The following DDX51 variants were observed in gnomAD, a reference collection of about 807,000 sequenced individuals.
DDX51 encodes ATP-dependent RNA helicase DDX51.
DDX51 carries 67 observed loss-of-function variants against 74.6 expected under a neutral mutation model. The ratio of observed to expected loss-of-function variants is 0.90; its 90% CI spans 0.74 to 1.10. The LOEUF (loss-of-function observed/expected upper bound fraction) is 1.10. DDX51 is among the 50% of genes least tolerant of loss of function. The probability of loss-of-function intolerance (pLI) is 0.00; values close to 1 mark genes in which losing one functional copy is unlikely to be tolerated. For synonymous variants in DDX51, 545 were observed against 402.9 expected (o/e 1.35, Z -4.22); for missense variants, 1,056 against 905.2 (o/e 1.17, Z -2.14).
At position 132,139,090 on chromosome 12, in the gene DDX51, C is replaced by T. The variant is rs973871362; in HGVS notation, c.*182G>A. Reference sequence around the variant, plus strand: ...AGTGACAAGCCCTGAAGTCTCCAGTCGGGGCAGGTGCTTGAGCTCTGACGC... The same window carrying T: ...AGTGACAAGCCCTGAAGTCTCCAGTTGGGGCAGGTGCTTGAGCTCTGACGC... On this transcript the variant is annotated 3_prime_UTR_variant, in exon 15 of 15. Coordinates refer to ENST00000397333, the MANE Select transcript of DDX51 (RefSeq NM_175066.4). 24 of 806,622 alleles carry T rather than the reference C, an allele frequency of 3.0e-5. No homozygotes were observed. Among genetic ancestry groups the T allele is most frequent in the East Asian group, 1.4e-4 (5 of 37,036 alleles). The allele number at this position is 806,622 out of a possible 1,614,324, so 50.0% of individuals were successfully genotyped here.
At position 132,143,722 on chromosome 12, in the gene DDX51, C is replaced by A. The variant is rs1204534595; in HGVS notation, c.492G>T (p.Gly164=). 1 of 1,539,080 alleles carries A rather than the reference C, an allele frequency of 6.5e-7. No individual in the cohort carries two copies. ...TCGGCGCCTTCCTCTTCCCGAACCCCCCCAGCACCAGGCCGGGGACCAGGG... is the reference window on the plus strand; with the variant it reads ...TCGGCGCCTTCCTCTTCCCGAACCCACCCAGCACCAGGCCGGGGACCAGGG... ...AGPLVPGLVL[G]GFGKRKAPKV... The change falls in exon 2 of 15, where the codon GGG becomes GGT. Residue 164 remains glycine, a synonymous_variant. Transcript: ENST00000397333.
chr12:132,141,781 C>G lies in DDX51; in HGVS notation c.995+69G>C, dbSNP rs1002700673. 4 of 1,555,472 alleles carry G rather than the reference C, an allele frequency of 2.6e-6. No homozygotes were observed. The African/African-American group carries it at 4.1e-5, about 16-fold the overall frequency. ...GATGGTGGCCCCTCCTCTGCTCCCACGGTGCCTCAGGCCACCTGCAGGGCT... is the reference window on the plus strand; with the variant it reads ...GATGGTGGCCCCTCCTCTGCTCCCAGGGTGCCTCAGGCCACCTGCAGGGCT... On this transcript the variant is annotated intron_variant, in intron 6 of 14. Coordinates refer to ENST00000397333, the MANE Select transcript of DDX51 (RefSeq NM_175066.4).
intron 2 of DDX51, chr12:132,143,134 G>A (rs979505684): frequency 2.0e-5 from 10 of 510,814 alleles, no homozygotes; most frequent in Non-Finnish European, 3.2e-5. Flanking sequence ...AGGAGGTCCT[G>A]TGACCTGGCG....
chr12:132,141,395 A>G lies in DDX51; in HGVS notation c.1130T>C (p.Ile377Thr), dbSNP rs1477165057. The change falls in exon 8 of 15, where the codon ATT becomes ACT. Residue 377 changes from isoleucine to threonine, a missense_variant. Physicochemically the swap from Ile to Thr is moderately conservative, Grantham distance 89. Coordinates refer to ENST00000397333, the MANE Select transcript of DDX51 (RefSeq NM_175066.4). ...CAGCCAGGACTGATGCATGCTGTCAATCATCCGGTCAGCCTCGTCGATAAT... is the reference window on the plus strand; with the variant it reads ...CAGCCAGGACTGATGCATGCTGTCAGTCATCCGGTCAGCCTCGTCGATAAT... ...FLIIDEADRM[I>T]DSMHQSWLPR... 3 of 1,597,164 alleles carry G rather than the reference A, an allele frequency of 1.9e-6. No homozygotes were observed. The highest frequency in any genetic ancestry group is 2.2e-5 in the East Asian group (1 of 44,832).
chr12:132,143,768 G>C lies in DDX51; in HGVS notation c.446C>G (p.Ala149Gly), dbSNP rs867335797. 7.2e-6 allele frequency: 11 copies of C among 1,524,480 alleles called. No homozygotes were observed. The African/African-American group carries it at 1.3e-4, about 18-fold the overall frequency. 94.4% of individuals were successfully genotyped at this position (1,524,480 alleles called of 1,614,324 possible). A position where few individuals can be genotyped will look rare whatever the true frequency, so the allele number is the denominator to read the frequency against. The part of the protein sequence containing the change: ...ASAEAAPDGP[A>G]LEEAAGPLVP... Reference sequence around the variant, plus strand: ...CAGGGGTCCGGCCGCCTCCTCCAGGGCCGGTCCATCTGGGGCCGCCTCGGC... The same window carrying C: ...CAGGGGTCCGGCCGCCTCCTCCAGGCCCGGTCCATCTGGGGCCGCCTCGGC... Residue 149 changes from alanine to glycine, a missense_variant, in exon 2 of 15, where the codon GCC becomes GGC. By Grantham distance (60) the Ala-to-Gly change is moderately conservative (BLOSUM62 0). Transcript: ENST00000397333.
Position 132,141,013 on chromosome 12 carries a change from A to G in DDX51, c.1258T>C (p.Cys420Arg). The change falls in exon 9 of 15, where the codon TGT (cysteine) becomes CGT (arginine). Residue 420 changes from cysteine to arginine, a missense_variant. Physicochemically the swap from Cys to Arg is radical, Grantham distance 180. Transcript: ENST00000397333. ...AGCTTCTGCAGGGGCATCTGGGGACAGCAGGTGCTGGAAGAGAAGGGGGTG... is the reference window on the plus strand; with the variant it reads ...AGCTTCTGCAGGGGCATCTGGGGACGGCAGGTGCTGGAAGAGAAGGGGGTG... ...AQAVTAASTC[C>R]PQMPLQKLLF... 2 of 1,592,940 alleles carry G rather than the reference A, an allele frequency of 1.3e-6. No homozygotes were observed. The highest frequency in any genetic ancestry group is 2.2e-5 in the East Asian group (1 of 44,740).
Position 132,140,917 on chromosome 12 carries a change from A to T in DDX51, c.1354T>A (p.Phe452Ile), listed in dbSNP as rs771647642. Residue 452 changes from phenylalanine to isoleucine, a missense_variant, in exon 9 of 15, where the codon TTC becomes ATC. Physicochemically the swap from Phe to Ile is conservative, Grantham distance 21. Transcript: ENST00000397333. ...CCCCTGTGTGCTAGCCCTGTGGAGA[A>T]AAGCCGGGGCTGGTGGAGGCCCAGC... ...QQLGLHQPRL[F>I]STGLAHRGLE... 4 of 1,613,374 alleles carry T rather than the reference A, an allele frequency of 2.5e-6. No individual in the cohort carries two copies. The highest frequency in any genetic ancestry group is 3.4e-6 in the Non-Finnish European group (4 of 1,179,944).
chr12:132,143,260 C>G, intron 2 of DDX51: 2 of 404,668 alleles, frequency 4.9e-6, no homozygotes, highest in East Asian at 6.0e-5. Flanking sequence ...AGAACCTCCT[C>G]CACCTGCCCT....
At position 132,142,892 on chromosome 12, in the gene DDX51, G is replaced by T. The variant is rs367829380; in HGVS notation, c.520-14C>A. On this transcript the variant is annotated splice_polypyrimidine_tract_variant and intron_variant, in intron 2 of 14. Coordinates refer to ENST00000397333, the MANE Select transcript of DDX51 (RefSeq NM_175066.4). ...GAAAGGCTGGACCTGCCATCAAAAAGAAAGAGAGGCCAGGTGAGCGCTTTC... is the reference window on the plus strand; with the variant it reads ...GAAAGGCTGGACCTGCCATCAAAAATAAAGAGAGGCCAGGTGAGCGCTTTC... 6.2e-7 allele frequency: 1 copy of T among 1,612,220 alleles called. No individual in the cohort carries two copies. Among genetic ancestry groups the T allele is most frequent in the Non-Finnish European group, 8.5e-7 (1 of 1,179,966 alleles).
At position 132,139,788 on chromosome 12, in the gene DDX51, T is replaced by A; in HGVS notation, c.1840-19A>T. 6.2e-7 allele frequency: 1 copy of A among 1,613,016 alleles called. No individual in the cohort carries two copies. The highest frequency in any genetic ancestry group is 8.5e-7 in the Non-Finnish European group (1 of 1,179,882). The stretch of plus-strand genomic sequence containing the variant: ...TCCTCTCCTGGAGAGAAGCTCATGG[T>A]GGAAGGGGGTTCTTGGGCCAGCCCC... On this transcript the variant is annotated intron_variant, in intron 13 of 14. Transcript: ENST00000397333.
rs202081584 is a variant in DDX51, at chr12:132,142,436, G to C, written c.671-14C>G. ...CAGCTGCCTGGACTGGATGAGGAAA[G>C]GCGAGAGAGAAGTCGTGTTTACGCC... is the stretch of plus-strand genomic sequence containing the variant. On this transcript the variant is annotated splice_polypyrimidine_tract_variant and intron_variant, in intron 3 of 14. Transcript: ENST00000397333. The C allele has an allele frequency of 6.2e-7, 1 of 1,609,956 alleles. No individual in the cohort carries two copies. Among genetic ancestry groups the C allele is most frequent in the African/African-American group, 1.3e-5 (1 of 74,934 alleles).
Position 132,141,356 on chromosome 12 carries a change from G to T in DDX51, c.1169C>A (p.Ala390Glu). Residue 390 changes from alanine to glutamate, a missense_variant, in exon 8 of 15, where the codon GCG becomes GAG. Physicochemically the swap from Ala to Glu is moderately radical, Grantham distance 107. Coordinates refer to ENST00000397333, the MANE Select transcript of DDX51 (RefSeq NM_175066.4). ...GGGGTCCTCGCTCTGGAAGGCGGCC[G>T]CCACCACCCGCGGCAGCCAGGACTG... ...MHQSWLPRVV[A>E]AAFQSEDPAD... The T allele has an allele frequency of 6.3e-7, 1 of 1,598,484 alleles. No homozygotes were observed. Among genetic ancestry groups the T allele is most frequent in the Non-Finnish European group, 8.5e-7 (1 of 1,179,636 alleles).
In DDX51 at chr12:132,139,231, G is replaced by A. The variant is rs1181291416; in HGVS notation, c.*41C>T. The A allele has an allele frequency of 6.2e-7, 1 of 1,601,106 alleles. No individual in the cohort carries two copies. The highest frequency in any genetic ancestry group is 8.5e-7 in the Non-Finnish European group (1 of 1,176,138). ...AGCACTGCTCTGGAAGGAGGGTCAG[G>A]GTGGTGAGCGTTCAGTCCCTCCGGC... On this transcript the variant is annotated 3_prime_UTR_variant, in exon 15 of 15. Coordinates refer to ENST00000397333, the MANE Select transcript of DDX51 (RefSeq NM_175066.4).
Position 132,139,254 on chromosome 12 carries a change from G to C in DDX51, c.*18C>G. The C allele has an allele frequency of 1.2e-6, 2 of 1,606,942 alleles. No individual in the cohort carries two copies. The highest frequency in any genetic ancestry group is 1.1e-5 in the South Asian group (1 of 90,178). ...AGGGTGGTGAGCGTTCAGTCCCTCCGGCCCTCTGAGCCCCAGCCTAGGCCG... is the reference window on the plus strand; with the variant it reads ...AGGGTGGTGAGCGTTCAGTCCCTCCCGCCCTCTGAGCCCCAGCCTAGGCCG... On this transcript the variant is annotated 3_prime_UTR_variant, in exon 15 of 15. Coordinates refer to ENST00000397333, the MANE Select transcript of DDX51 (RefSeq NM_175066.4).
In DDX51 at chr12:132,138,977, G is replaced by A; in HGVS notation, c.*295C>T. 2.1e-6 allele frequency: 1 copy of A among 466,336 alleles called. No individual in the cohort carries two copies. The highest frequency in any genetic ancestry group is 4.5e-5 in the South Asian group (1 of 22,424). 28.9% of individuals were successfully genotyped at this position (466,336 alleles called of 1,614,324 possible). On this transcript the variant is annotated 3_prime_UTR_variant, in exon 15 of 15. Transcript: ENST00000397333. ...TGCCCCCAACTCTCAGCAAAAGCAT[G>A]ACGGGTGCCCGCGTCCGTCTGGGAG...
chr12:132,143,359 G>A (rs532347259), intron 2 of DDX51: 35 of 487,400 alleles, frequency 7.2e-5, no homozygotes, highest in Admixed American at 1.6e-4. Flanking sequence ...CACGTGCTAA[G>A]CAAAAACACC....
chr12:132,141,835 CCT>C lies in DDX51; in HGVS notation c.995+13_995+14del, dbSNP rs560940157. ...CAGGGACCCCCTGAAAAACCCGCAC[CCT>C]GACACAACCTACGTTTTCTGGACGA... On this transcript the variant is annotated intron_variant, in intron 6 of 14. Coordinates refer to ENST00000397333, the MANE Select transcript of DDX51 (RefSeq NM_175066.4). The C allele has an allele frequency of 1.5e-4, 244 of 1,612,784 alleles. 1 individual carries two copies. The African/African-American group carries it at 3.1e-3, about 20-fold the overall frequency.
Position 132,140,920 on chromosome 12 carries a change from G to C in DDX51, c.1351C>G (p.Leu451Val). ...LQQLGLHQPRLFSTGLAHRGL... is the reference protein window; with the variant it reads ...LQQLGLHQPRVFSTGLAHRGL... ...CTGTGTGCTAGCCCTGTGGAGAAAA[G>C]CCGGGGCTGGTGGAGGCCCAGCTGC... The change falls in exon 9 of 15, where the codon CTT (leucine) becomes GTT (valine). Residue 451 changes from leucine to valine, a missense_variant. Leu to Val is a conservative substitution (Grantham distance 32). Transcript: ENST00000397333. 1 of 1,613,396 alleles carries C rather than the reference G, an allele frequency of 6.2e-7. No individual in the cohort carries two copies. Among genetic ancestry groups the C allele is most frequent in the Non-Finnish European group, 8.5e-7 (1 of 1,179,956 alleles).
chr12:132,143,573 C>T (rs767077375), intron 2 of DDX51, 122 bp downstream of exon 2: 3 of 1,310,354 alleles, frequency 2.3e-6, no homozygotes, highest in Non-Finnish European at 3.1e-6. Flanking sequence ...GACCTGGCAG[C>T]GAGGCGCGGC....
Sources: allele counts gnomAD v4.1 joint callset, GRCh38; gene constraint gnomAD v4.1.1; transcripts MANE v1.5; gene names NCBI Gene and HGNC (gene_info 2026-07-23, HGNC 2026-07-21).